TOP1MT: variants seen among roughly 807,000 people sequenced by gnomAD.
TOP1MT encodes DNA topoisomerase I, mitochondrial.
In TOP1MT, 80 loss-of-function variants were observed where a neutral mutation model predicts 73.9. The observed-to-expected ratio is 1.08, with a 90% CI of 0.90 to 1.30. The LOEUF (loss-of-function observed/expected upper bound fraction) is 1.30, where lower values mean the gene tolerates loss of function less well. Ranked by LOEUF, TOP1MT falls within the 50% of genes most tolerant of loss-of-function variation. The pLI is 0.00. For missense variants in TOP1MT, 815 were observed against 808.0 expected (o/e 1.01, Z -0.10); for synonymous variants, 338 against 326.4 (o/e 1.04, Z -0.38).
Position 143,324,549 on chromosome 8 carries a change from G to A in TOP1MT, c.752C>T (p.Ala251Val), listed in dbSNP as rs997107699. 2.5e-6 allele frequency: 4 copies of A among 1,613,760 alleles called. No homozygotes were observed. Among genetic ancestry groups the A allele is most frequent in the Non-Finnish European group, 2.5e-6 (3 of 1,180,016 alleles). The change falls in exon 6 of 14, where the codon GCT becomes GTT. Residue 251 changes from alanine to valine, a missense_variant. This residue lies in a region of TOP1MT where 751 missense variants were observed against 725.4 expected (regional missense o/e 1.04). Transcript: ENST00000329245. ...RSDNTVTWLA[A>V]WTESVQNSIK... Reference sequence around the variant, plus strand: ...GGAGTTCTGAACGCTCTCGGTCCAAGCTGCCAGCCACGTGACGGTGTTATC... The same window carrying A: ...GGAGTTCTGAACGCTCTCGGTCCAAACTGCCAGCCACGTGACGGTGTTATC...
rs1022570684 is a variant in TOP1MT at position 143,342,837 on chromosome 8, T to A, written c.29+383A>T. On this transcript the variant is annotated intron_variant, in intron 2 of 5. Transcript: ENST00000518007. Reference sequence around the variant, plus strand: ...TCTCGCTCTGTCACCCAGGCTGGAGTGCAGTGGCGTGATCTCGGCTCACTG... The same window carrying A: ...TCTCGCTCTGTCACCCAGGCTGGAGAGCAGTGGCGTGATCTCGGCTCACTG... Among the ~76,000 whole-genome samples the A allele has an allele frequency of 5.6e-5, 8 of 144,112 alleles. No individual in the cohort carries two copies. In the East Asian group the frequency reaches 8.0e-4, roughly 14 times the overall value. The allele number at this position is 144,112 out of a possible 152,430, so 94.5% of individuals were successfully genotyped here.
intron 2 of TOP1MT, among the ~76,000 whole-genome samples, chr8:143,340,406 A>G (rs1270096774): frequency 1.3e-5 from 2 of 150,542 alleles, no homozygotes; most frequent in Non-Finnish European, 3.0e-5. Context: ...CACCATTTCC[A>G]CCTGCTGCCT....
intron 2 of TOP1MT, among the ~76,000 whole-genome samples, chr8:143,342,855 G>T (rs372856892): frequency 8.4e-4 from 125 of 149,094 alleles, no homozygotes; most frequent in African/African-American, 3.1e-3. Context: ...CGTGATCTCG[G>T]CTCACTGCAA....
chr8:143,315,726 C>A lies in TOP1MT; in HGVS notation c.1553+1G>T. The A allele has an allele frequency of 3.7e-6, 6 of 1,613,798 alleles. No individual in the cohort carries two copies. The highest frequency in any genetic ancestry group is 5.1e-6 in the Non-Finnish European group (6 of 1,179,776). ...AGGCGTCTGAGGGCACGGGTACTCA[C>A]CTCCTGGACTTGCCATCCCCTTGGG... On this transcript the variant is annotated splice_donor_variant, in intron 12 of 13. Transcript: ENST00000329245. LOFTEE classifies it high-confidence loss of function.
chr8:143,343,565 T>C (rs767944354), intron 1 of TOP1MT: 45 of 270,394 alleles, frequency 1.7e-4, no homozygotes, highest in Non-Finnish European at 2.8e-4. Flanking sequence ...TCGGGAAGAG[T>C]GGGCAGGCAG....
chr8:143,332,340 C>CCCAGGATGG (rs1248700397), intron 1 of TOP1MT: 1 of 522,290 alleles, frequency 1.9e-6, no homozygotes, highest in Admixed American at 2.7e-5. Context: ...AAGTCCAGCA[C>CCCAGGATGG]CCAGGATGGC....
At chr8:143,331,197 G>C (rs753761632) in intron 2 of TOP1MT, 27 bp downstream of exon 2, 5 of 1,558,970 alleles carry the variant, frequency 3.2e-6, no homozygotes, top group Non-Finnish European at 4.4e-6. Context: ...GCGCAGGCTG[G>C]GGAGGAGCCG....
chr8:143,316,194 G>T lies in TOP1MT; in HGVS notation c.1331-68C>A, dbSNP rs935350569. ...CCACCCTCCCTGTCTGCCCTGAGCC[G>T]GCCTTAACGCGCCACACAGCGCAGC... On this transcript the variant is annotated intron_variant, in intron 10 of 13. Coordinates refer to ENST00000329245, the MANE Select transcript of TOP1MT (RefSeq NM_052963.3). The T allele has an allele frequency of 1.9e-6, 3 of 1,608,624 alleles. No individual in the cohort carries two copies. The East Asian group carries it at 6.7e-5, about 36-fold the overall frequency.
At chr8:143,323,140 ACACACAGGCACGC>A (rs1216530225) in intron 7 of TOP1MT, among the ~76,000 whole-genome samples, 612 of 95,860 alleles carry the variant, frequency 6.4e-3, no homozygotes, top group East Asian at 0.017. Flanking sequence ...CAGGCACACC[ACACACAGGCACGC>A]CACACAGGCA....
At chr8:143,313,550 C>CAAAAAA (rs34073373) in intron 12 of TOP1MT, among the ~76,000 whole-genome samples, 1 of 103,386 alleles carries the variant, frequency 9.7e-6, no homozygotes, top group Non-Finnish European at 1.9e-5. Flanking sequence ...ACTCCATCAC[C>CAAAAAA]AAAAAAAAAA....
intron 10 of TOP1MT, among the ~76,000 whole-genome samples, chr8:143,317,476 G>A (rs898556471): frequency 3.3e-5 from 5 of 152,236 alleles, no homozygotes; most frequent in Admixed American, 3.3e-4. Context: ...GTAGGGCTCA[G>A]CAGTAGGGGC....
chr8:143,341,127 G>A lies in TOP1MT; in HGVS notation c.29+2093C>T, dbSNP rs563351457. ...TGAGGGTCTCAGGCTTGCCCCTAGC[G>A]TCCCCGCCACCCTCTTCTCGTGCTG... On this transcript the variant is annotated intron_variant, in intron 2 of 5. Transcript: ENST00000518007. This position sits in a 1 kb window ranked among gnomAD's most constrained non-coding sequence, Gnocchi z 4.1. Among the ~76,000 whole-genome samples the A allele has an allele frequency of 7.2e-5, 11 of 152,246 alleles. No homozygotes were observed. The South Asian group carries it at 1.2e-3, about 17-fold the overall frequency.
chr8:143,322,071 G>A (rs1187683356), intron 7 of TOP1MT, among the ~76,000 whole-genome samples: 4 of 72,872 alleles, frequency 5.5e-5, no homozygotes, highest in South Asian at 8.9e-4. Flanking sequence ...CGCCACACAC[G>A]CACGCCACAC....
intron 7 of TOP1MT, among the ~76,000 whole-genome samples, chr8:143,322,708 ACG>A (rs1563759963): frequency 2.2e-4 from 10 of 45,674 alleles, no homozygotes; most frequent in African/African-American, 5.8e-4. Flanking sequence ...CGCACGCCAC[ACG>A]CACGCCACAC....
chr8:143,328,064 G>A (rs1399094969), intron 3 of TOP1MT: 3 of 354,978 alleles, frequency 8.5e-6, no homozygotes, highest in Non-Finnish European at 1.6e-5. Flanking sequence ...GACCTCATCA[G>A]TATTCCAAAC....
intron 3 of TOP1MT, among the ~76,000 whole-genome samples, chr8:143,328,646 G>A (rs1586768330): frequency 6.6e-6 from 1 of 152,234 alleles, no homozygotes; most frequent in African/African-American, 2.4e-5. Flanking sequence ...CCTCACCCAC[G>A]TGGGAATGTT....
chr8:143,317,881 C>T, intron 9 of TOP1MT, 44 bp from the exon 10 acceptor site: 3 of 1,603,676 alleles, frequency 1.9e-6, no homozygotes, highest in Non-Finnish European at 2.6e-6. Context: ...TTTTGCGGGG[C>T]CGTCCCAGCC....
chr8:143,311,682 G>A (rs1436372638), intron 12 of TOP1MT, among the ~76,000 whole-genome samples: 6 of 151,452 alleles, frequency 4.0e-5, no homozygotes, highest in African/African-American at 1.5e-4. Context: ...GGAGGCAGAG[G>A]TTGTGGTGAG....
At chr8:143,354,444 G>A (rs897015828) in intron 1 of TOP1MT, among the ~76,000 whole-genome samples, 1 of 152,112 alleles carries the variant, frequency 6.6e-6, no homozygotes, top group Non-Finnish European at 1.5e-5. Context: ...CGGGCGTGGT[G>A]GCTCACGCCT....
Sources: gnomAD v4.1 joint callset for allele counts (sites outside exome capture counted in the v4.1 genomes callset) on GRCh38, gnomAD v4.1.1 for gene constraint, gnomAD v4.1.1 regional missense constraint, Gnocchi (gnomAD v3.1) non-coding constraint, MANE v1.5 for transcripts, NCBI Gene and HGNC (gene_info 2026-07-23, HGNC 2026-07-21) for gene names.